ADRA1B: variants seen among roughly 807,000 people sequenced by gnomAD.
ADRA1B encodes the protein alpha-1B adrenergic receptor.
A neutral mutation model predicts 17.9 loss-of-function variants in ADRA1B; 17 were observed. That is an observed-to-expected ratio of 0.95 (90% CI 0.65 to 1.42). The LOEUF is 1.42. Among genes scored for constraint, ADRA1B ranks in the 40% most tolerant of loss-of-function variants. ADRA1B has a pLI of 0.00. For synonymous variants in ADRA1B, 366 were observed against 327.6 expected (o/e 1.12, Z -1.27); for missense variants, 681 against 722.1 (o/e 0.94, Z 0.65).
intron 1 of ADRA1B, among the ~76,000 whole-genome samples, chr5:159,866,143 A>G (rs1287910262): frequency 2.0e-5 from 3 of 151,874 alleles, no homozygotes; most frequent in African/African-American, 7.3e-5. Flanking sequence ...ATCTACAAAT[A>G]TATATATTTT....
intron 1 of ADRA1B, among the ~76,000 whole-genome samples, chr5:159,919,120 A>C (rs1308761343): frequency 1.3e-5 from 2 of 152,222 alleles, no homozygotes; most frequent in Non-Finnish European, 2.9e-5. Context: ...AGAAAGAAAA[A>C]GATTTTCAAA....
At chr5:159,911,564 G>C (rs1156234019), upstream of ADRA1B, among the ~76,000 whole-genome samples, 1 of 152,204 alleles carries the variant, frequency 6.6e-6, no homozygotes, top group African/African-American at 2.4e-5. Flanking sequence ...AGCTCTCTCT[G>C]CCTTACCAGG....
At chr5:159,887,986 C>T (rs1391003641) in intron 1 of ADRA1B, 5 of 152,072 alleles carry the variant, frequency 3.3e-5, no homozygotes, top group Non-Finnish European at 7.4e-5. Context: ...TAATATTACT[C>T]ATAACATTTA....
At chr5:159,973,412 C>G (rs1755923304), downstream of ADRA1B, among the ~76,000 whole-genome samples, 1 of 152,128 alleles carries the variant, frequency 6.6e-6, no homozygotes, top group African/African-American at 2.4e-5. Flanking sequence ...AGCTGGGGTT[C>G]CCCGGCCAGT....
At chr5:159,978,097 T>A in the ADRA1B span, among the ~76,000 whole-genome samples, 2 of 152,180 alleles carry the variant, frequency 1.3e-5, no homozygotes, top group African/African-American at 4.8e-5. Flanking sequence ...ATATATTTTT[T>A]AAATTTATTT....
At chr5:159,905,192 A>G (rs1300917794) in intron 1 of ADRA1B, among the ~76,000 whole-genome samples, 4 of 152,208 alleles carry the variant, frequency 2.6e-5, no homozygotes, top group African/African-American at 9.6e-5. Context: ...GGGAGGGGTT[A>G]TAGTTGAAAG....
chr5:159,906,258 C>T (rs1366038784), intron 1 of ADRA1B, among the ~76,000 whole-genome samples: 1 of 152,000 alleles, frequency 6.6e-6, no homozygotes, highest in African/African-American at 2.4e-5. Context: ...CTCTATGAGA[C>T]ATTCAACCAA....
chr5:159,866,321 C>T (rs886313139), intron 1 of ADRA1B, among the ~76,000 whole-genome samples: 13 of 149,466 alleles, frequency 8.7e-5, no homozygotes, highest in Admixed American at 2.0e-4. Context: ...AAAGATGCAC[C>T]GGGCACAGTG....
At chr5:159,899,283 G>GAAGGAAGGAAGGAAGGAAGGAAGGAAGA (rs1754073581) in intron 1 of ADRA1B, among the ~76,000 whole-genome samples, 1 of 145,420 alleles carries the variant, frequency 6.9e-6, no homozygotes, top group African/African-American at 2.6e-5. Flanking sequence ...AGGAAGGAAG[G>GAAGGAAGGAAGGAAGGAAGGAAGGAAGA]AAGGAAGGAA....
At chr5:159,977,668 G>A (rs1755993114), downstream of ADRA1B, among the ~76,000 whole-genome samples, 5 of 152,308 alleles carry the variant, frequency 3.3e-5, no homozygotes, top group Admixed American at 1.3e-4. Context: ...GGCAATGAGT[G>A]GCTGACTTCC....
chr5:159,987,428 C>T, the ADRA1B span, among the ~76,000 whole-genome samples: 2,411 of 152,340 alleles, frequency 0.016, 29 homozygotes, highest in Non-Finnish European at 0.028. Flanking sequence ...TTCCTCCTTA[C>T]GTGCAGAGAC....
At chr5:159,888,973 T>G (rs17057250) in intron 1 of ADRA1B, among the ~76,000 whole-genome samples, 17 of 152,206 alleles carry the variant, frequency 1.1e-4, no homozygotes, top group Admixed American at 1.1e-3. Context: ...CATCCCAACA[T>G]GGACGGCTCA....
chr5:159,930,596 C>A (rs562430896), intron 1 of ADRA1B, among the ~76,000 whole-genome samples: 58 of 151,456 alleles, frequency 3.8e-4, no homozygotes, highest in South Asian at 6.3e-4. Context: ...AACAAACAAA[C>A]AAAAAAAATA....
chr5:159,941,278 C>T (rs1475319030), intron 1 of ADRA1B, among the ~76,000 whole-genome samples: 5 of 152,214 alleles, frequency 3.3e-5, no homozygotes, highest in African/African-American at 9.7e-5. Flanking sequence ...AGATTTAGAA[C>T]GTTTTCATCA....
chr5:159,964,371 G>A (rs56262343), intron 1 of ADRA1B, among the ~76,000 whole-genome samples: 6,040 of 152,248 alleles, frequency 0.04, 391 homozygotes, highest in African/African-American at 0.14. Context: ...CCACAGTCTG[G>A]AGCTATCCAG....
intron 1 of ADRA1B, among the ~76,000 whole-genome samples, chr5:159,881,315 C>G (rs796604357): frequency 0.091 from 13,626 of 150,146 alleles, 1,104 homozygotes; most frequent in East Asian, 0.43. Context: ...CTCTCTCTCT[C>G]TCTCTCTCTC....
the ADRA1B span, among the ~76,000 whole-genome samples, chr5:159,982,478 C>A: frequency 6.6e-6 from 1 of 152,096 alleles, no homozygotes; most frequent in African/African-American, 2.4e-5. Context: ...ACTAAAACCA[C>A]AATGTTAGAA....
intron 1 of ADRA1B, among the ~76,000 whole-genome samples, chr5:159,920,765 T>C (rs552523664): frequency 6.6e-6 from 1 of 152,330 alleles, no homozygotes; most frequent in African/African-American, 2.4e-5. Context: ...TTCTACTTTC[T>C]CTGAGTTGAA....
chr5:159,894,302 G>A (rs761124080), intron 1 of ADRA1B, among the ~76,000 whole-genome samples: 1 of 152,252 alleles, frequency 6.6e-6, no homozygotes, highest in Non-Finnish European at 1.5e-5. Context: ...CTAAGAGTCT[G>A]CAATCCTTTA....
Sources: gnomAD v4.1 joint callset for allele counts (sites outside exome capture counted in the v4.1 genomes callset) on GRCh38, gnomAD v4.1.1 for gene constraint, MANE v1.5 for transcripts, NCBI Gene and HGNC (gene_info 2026-07-23, HGNC 2026-07-21) for gene names.